CCDC180: variants seen among roughly 807,000 people sequenced by gnomAD.
CCDC180 encodes coiled-coil domain-containing protein 180.
CCDC180 carries 154 observed loss-of-function variants against 209.2 expected under a neutral mutation model. The ratio of observed to expected loss-of-function variants is 0.74; its 90% CI spans 0.65 to 0.84. The LOEUF is 0.84. CCDC180 is among the 40% of genes least tolerant of loss of function. The pLI, the probability that CCDC180 is intolerant of heterozygous loss-of-function variation, is 0.00. For synonymous variants in CCDC180, 778 were observed against 749.1 expected (o/e 1.04, Z -0.63); for missense variants, 1,874 against 1,997.3 (o/e 0.94, Z 1.18).
intron 28 of CCDC180, 140 bp downstream of exon 28, chr9:97,362,581 G>C: frequency 7.9e-7 from 1 of 1,269,842 alleles, no homozygotes; most frequent in Non-Finnish European, 1.1e-6. Flanking sequence ...GGGGCGCAGT[G>C]AGGGGTGAGC....
intron 22 of CCDC180, among the ~76,000 whole-genome samples, chr9:97,353,162 AATTTTTGT>A (rs1198187612): frequency 1.3e-5 from 2 of 152,004 alleles, no homozygotes; most frequent in Non-Finnish European, 2.9e-5. Context: ...ATGCCCAGCT[AATTTTTGT>A]ATTTTTAGTA....
intron 2 of CCDC180, among the ~76,000 whole-genome samples, chr9:97,309,204 G>A (rs1331708241): frequency 6.6e-6 from 1 of 152,206 alleles, no homozygotes; most frequent in Non-Finnish European, 1.5e-5. Context: ...AAGGTTCTTA[G>A]AAAGAGGCCT....
At position 97,375,478 on chromosome 9, in the gene CCDC180, C is replaced by T. The variant is rs369273537; in HGVS notation, c.4731C>T (p.Thr1577=). ...GSRKWPGIKP[T]EVTIQNKILL... The stretch of plus-strand genomic sequence containing the variant: ...GGAAGTGGCCAGGGATCAAACCCAC[C>T]GAAGTCACCATCCAAAACAAGATTC... The change falls in exon 36 of 37, where the codon ACC becomes ACT. Residue 1577 remains threonine (T), a synonymous_variant. Coordinates refer to ENST00000529487, the MANE Select transcript of CCDC180 (RefSeq NM_020893.6). 53 of 1,614,076 alleles carry T rather than the reference C, an allele frequency of 3.3e-5. No homozygotes were observed. Among genetic ancestry groups the T allele is most frequent in the African/African-American group, 4.0e-5 (3 of 74,916 alleles).
At chr9:97,351,845 G>A (rs1826429734) in intron 22 of CCDC180, among the ~76,000 whole-genome samples, 1 of 152,140 alleles carries the variant, frequency 6.6e-6, no homozygotes, top group Non-Finnish European at 1.5e-5. Flanking sequence ...AGGCACAGTG[G>A]TTCATGCCAG....
rs1041567084 is a variant in CCDC180 at position 97,335,490 on chromosome 9, G to A, written c.2274+4723G>A. ...GATGGTTTCCAGCTTCATCCATGTTGCTACAAAGGACATGAACTCATCCTT... is the reference window on the plus strand; with the variant it reads ...GATGGTTTCCAGCTTCATCCATGTTACTACAAAGGACATGAACTCATCCTT... On this transcript the variant is annotated intron_variant, in intron 18 of 36. Transcript: ENST00000529487. Among the ~76,000 whole-genome samples the A allele has an allele frequency of 2.6e-5, 4 of 152,192 alleles. No individual in the cohort carries two copies. In the South Asian group the frequency reaches 8.3e-4, roughly 32 times the overall value.
In CCDC180 at chr9:97,361,816, CCT is replaced by C. The variant is rs1272393256; in HGVS notation, c.3575_3576del (p.Pro1192ArgfsTer15). On this transcript the variant is annotated frameshift_variant, in exon 27 of 37. Coordinates refer to ENST00000529487, the MANE Select transcript of CCDC180 (RefSeq NM_020893.6). LOFTEE classifies it high-confidence loss of function. The part of the protein sequence containing the change: ...EEEAKLDVVT[P>X]ESFTQLSRVG... ...GGAGGCCAAGCTGGACGTGGTCACC[CCT>C]GAGTCCTTCACCCAGCTGAGCCGCG... 2.5e-6 allele frequency: 4 copies of C among 1,614,050 alleles called. No individual in the cohort carries two copies. The African/African-American group carries it at 4.0e-5, about 16-fold the overall frequency.
intron 29 of CCDC180, 82 bp from the exon 30 acceptor site, chr9:97,365,591 G>A (rs1205023126): frequency 1.6e-6 from 2 of 1,288,666 alleles, no homozygotes; most frequent in Non-Finnish European, 2.3e-6. Context: ...CAGAGCACTT[G>A]GAAAGTTCTG....
intron 34 of CCDC180, chr9:97,373,326 T>C (rs1827154580): frequency 6.6e-6 from 1 of 152,234 alleles, no homozygotes; most frequent in East Asian, 1.9e-4. Flanking sequence ...TTTGTAAAGG[T>C]TTTTAATTAC....
Position 97,308,140 on chromosome 9 carries a change from C to T in CCDC180, c.69+8C>T. 6.3e-7 allele frequency: 1 copy of T among 1,587,784 alleles called. No homozygotes were observed. The highest frequency in any genetic ancestry group is 8.6e-7 in the Non-Finnish European group (1 of 1,167,596). ...CAGATCTTCCAGGCTGAGGTAGGAG[C>T]CGCCCTCTGTCCCGCTTTTCTCCAT... is the stretch of plus-strand genomic sequence containing the variant. On this transcript the variant is annotated splice_region_variant and intron_variant, in intron 2 of 36. Coordinates refer to ENST00000529487, the MANE Select transcript of CCDC180 (RefSeq NM_020893.6).
intron 4 of CCDC180, 118 bp downstream of exon 4, chr9:97,312,319 C>T (rs1221389703): frequency 1.2e-6 from 1 of 801,266 alleles, no homozygotes; most frequent in Non-Finnish European, 2.0e-6. Context: ...CCACTGTGTT[C>T]CTCGGCTCAG....
At position 97,370,050 on chromosome 9, in the gene CCDC180, G is replaced by A. The variant is rs775481997; in HGVS notation, c.4318G>A (p.Glu1440Lys). ...TGTGAAGGAGATCCGAGGACAGTTC[G>A]AGGAACAGCAGAAGCGGCTGGAGAA... ...TSVKEIRGQF[E>K]EQQKRLEKRK... Residue 1440 changes from glutamate (E) to lysine (K), a missense_variant, in exon 32 of 37, where the codon GAG (glutamate) becomes AAG (lysine). By Grantham distance (56) the Glu-to-Lys change is moderately conservative. Coordinates refer to ENST00000529487, the MANE Select transcript of CCDC180 (RefSeq NM_020893.6). 6.8e-6 allele frequency: 11 copies of A among 1,613,986 alleles called. No homozygotes were observed. Among genetic ancestry groups the A allele is most frequent in the East Asian group, 6.7e-5 (3 of 44,890 alleles).
chr9:97,355,079 C>G, intron 24 of CCDC180, 71 bp downstream of exon 24: 1 of 986,290 alleles, frequency 1.0e-6, no homozygotes, highest in Non-Finnish European at 1.6e-6. Context: ...GTCCCCGGTG[C>G]TAGGAGGCCA....
chr9:97,337,632 G>A (rs1294456190), intron 18 of CCDC180, among the ~76,000 whole-genome samples: 1 of 151,990 alleles, frequency 6.6e-6, no homozygotes, highest in African/African-American at 2.4e-5. Context: ...CTCTTTTTTT[G>A]TTGTGTCTCT....
intron 28 of CCDC180, chr9:97,363,759 G>A: frequency 3.7e-6 from 2 of 536,472 alleles, no homozygotes; most frequent in Non-Finnish European, 7.2e-6. Flanking sequence ...CCTCATCACG[G>A]GGAAGCAGGA....
intron 5 of CCDC180, among the ~76,000 whole-genome samples, chr9:97,313,935 G>A (rs138075437): frequency 3.3e-5 from 5 of 152,120 alleles, no homozygotes. Flanking sequence ...TTGGATTCCT[G>A]GAGCTGGCTC....
intron 36 of CCDC180, 104 bp downstream of exon 36, chr9:97,375,693 C>G: frequency 7.1e-7 from 1 of 1,410,732 alleles, no homozygotes; most frequent in Non-Finnish European, 9.8e-7. Context: ...TTGGCTGGTG[C>G]AGCAGGCAAC....
intron 15 of CCDC180, 34 bp from the exon 16 acceptor site, chr9:97,327,986 C>G (rs773024194): frequency 2.5e-6 from 4 of 1,600,268 alleles, no homozygotes; most frequent in Admixed American, 3.4e-5. Context: ...TGGTTCCTAG[C>G]TGGGGTCTCC....
In CCDC180 at chr9:97,312,107, TC is replaced by T. The variant is rs1299866985; in HGVS notation, c.261-5del. 5 of 1,613,296 alleles carry T rather than the reference TC, an allele frequency of 3.1e-6. No individual in the cohort carries two copies. Among genetic ancestry groups the T allele is most frequent in the Admixed American group, 1.7e-5 (1 of 59,984 alleles). On this transcript the variant is annotated splice_region_variant and splice_polypyrimidine_tract_variant and intron_variant, in intron 3 of 36. Transcript: ENST00000529487. ...GGGACTTCACTCTTCTCTGCTTGTG[TC>T]TCAGGGAAAAGGAAAGAGCCAAGAG...
At chr9:97,339,814 T>G (rs1826023639) in intron 18 of CCDC180, among the ~76,000 whole-genome samples, 3 of 152,218 alleles carry the variant, frequency 2.0e-5, no homozygotes, top group Admixed American at 1.3e-4. Context: ...ATTGACTTGG[T>G]CTTTTCACAT....
Sources: gnomAD v4.1 joint callset for allele counts (sites outside exome capture counted in the v4.1 genomes callset) on GRCh38, gnomAD v4.1.1 for gene constraint, MANE v1.5 for transcripts, NCBI Gene and HGNC (gene_info 2026-07-23, HGNC 2026-07-21) for gene names.